The following PARP14 variants were observed in gnomAD, a reference collection of about 807,000 sequenced individuals.
PARP14 encodes protein mono-ADP-ribosyltransferase PARP14.
PARP14 carries 59 observed loss-of-function variants against 154.2 expected under a neutral mutation model. That is an observed-to-expected ratio of 0.38 (90% CI 0.31 to 0.48). PARP14 has a LOEUF of 0.48. Among genes scored for constraint, PARP14 ranks in the 20% least tolerant of loss-of-function variants. The pLI is 0.98. For synonymous variants in PARP14, 720 were observed against 780.5 expected, an observed-to-expected ratio of 0.92 and a Z score of 1.29; for missense variants, 1,734 against 2,131.6, an observed-to-expected ratio of 0.81 and a Z score of 3.67.
intron 5 of PARP14, among the ~76,000 whole-genome samples, chr3:122,696,417 G>A (rs745506397): frequency 3.3e-5 from 5 of 152,186 alleles, no homozygotes; most frequent in Admixed American, 1.3e-4. Flanking sequence ...CAAGGTACTT[G>A]AAGGAACCTC....
intron 9 of PARP14, among the ~76,000 whole-genome samples, chr3:122,712,964 T>A (rs1939371044): frequency 1.3e-5 from 2 of 152,204 alleles, no homozygotes; most frequent in South Asian, 4.1e-4. Context: ...TATTATGTTG[T>A]GAGACTAGGG....
chr3:122,728,755 A>G lies in PARP14; in HGVS notation c.*158A>G, dbSNP rs1044362489. ...TCAGTCTTTCTTCAGCTTCCCTTTCATAATGGAAATGAACTTATTATCTTG... is the reference window on the plus strand; with the variant it reads ...TCAGTCTTTCTTCAGCTTCCCTTTCGTAATGGAAATGAACTTATTATCTTG... On this transcript the variant is annotated 3_prime_UTR_variant, in exon 17 of 17. Transcript: ENST00000474629. 9.8e-6 allele frequency: 6 copies of G among 610,368 alleles called. No individual in the cohort carries two copies. The highest frequency in any genetic ancestry group is 9.2e-5 in the African/African-American group (5 of 54,362). The allele number at this position is 610,368 out of a possible 1,614,324, so 37.8% of individuals were successfully genotyped here.
Position 122,700,605 on chromosome 3 carries a change from A to G in PARP14, c.2051A>G (p.Asp684Gly). The change falls in exon 6 of 17, where the codon GAC (aspartate) becomes GGC (glycine). Residue 684 changes from aspartate (D) to glycine (G), a missense_variant. By Grantham distance (94) the Asp-to-Gly change is moderately conservative. Coordinates refer to ENST00000474629, the MANE Select transcript of PARP14 (RefSeq NM_017554.3). Reference sequence around the variant, plus strand: ...GAAGTAAAGCCTTCCTTAGTTATTGACTATTTAAAGACAGAAAAGAAGCTA... The same window carrying G: ...GAAGTAAAGCCTTCCTTAGTTATTGGCTATTTAAAGACAGAAAAGAAGCTA... Reference protein sequence around the residue: ...LVEVKPSLVIDYLKTEKKLFW... With the variant: ...LVEVKPSLVIGYLKTEKKLFW... 6.2e-7 allele frequency: 1 copy of G among 1,600,268 alleles called. No individual in the cohort carries two copies. Among genetic ancestry groups the G allele is most frequent in the Non-Finnish European group, 8.5e-7 (1 of 1,172,720 alleles).
In PARP14 at chr3:122,727,824, C is replaced by A. The variant is rs759678225; in HGVS notation, c.4954C>A (p.Gln1652Lys). Residue 1652 changes from glutamine to lysine, a missense_variant, in exon 16 of 17, where the codon CAG (glutamine) becomes AAG (lysine). This residue lies in a region of PARP14 where 1,646 missense variants were observed against 1,976.0 expected (regional missense o/e 0.83). Transcript: ENST00000474629. Reference sequence around the variant, plus strand: ...TATTAATTTGCAGATTGAGAGGATCCAGAATCCAGATCTCTGGAATAGCTA... The same window carrying A: ...TATTAATTTGCAGATTGAGAGGATCAAGAATCCAGATCTCTGGAATAGCTA... Reference protein sequence around the residue: ...HFRIEKIERIQNPDLWNSYQA... With the variant: ...HFRIEKIERIKNPDLWNSYQA... The A allele has an allele frequency of 1.2e-6, 2 of 1,603,754 alleles. No homozygotes were observed. Among genetic ancestry groups the A allele is most frequent in the Non-Finnish European group, 1.7e-6 (2 of 1,174,780 alleles).
intron 9 of PARP14, among the ~76,000 whole-genome samples, chr3:122,711,122 A>G (rs1939308748): frequency 6.6e-6 from 1 of 152,144 alleles, no homozygotes; most frequent in Non-Finnish European, 1.5e-5. Context: ...TTCCAGTACT[A>G]TGTTGAATAG....
intron 15 of PARP14, among the ~76,000 whole-genome samples, chr3:122,725,770 T>C (rs751098351): frequency 1.4e-4 from 22 of 152,224 alleles, no homozygotes; most frequent in Non-Finnish European, 2.5e-4. Flanking sequence ...GAGTACTTAA[T>C]CTTACTTACT....
intron 3 of PARP14, among the ~76,000 whole-genome samples, chr3:122,690,273 C>T (rs1938497224): frequency 6.6e-6 from 1 of 152,228 alleles, no homozygotes; most frequent in Admixed American, 6.5e-5. Flanking sequence ...GGTCACATGG[C>T]TAAAGAGTGG....
In PARP14 at chr3:122,700,034, T is replaced by C. The variant is rs1165188081; in HGVS notation, c.1480T>C (p.Cys494Arg). Residue 494 changes from cysteine (C) to arginine (R), a missense_variant, in exon 6 of 17, where the codon TGC becomes CGC. This residue lies in a region of PARP14 where 1,646 missense variants were observed against 1,976.0 expected (regional missense o/e 0.83). Transcript: ENST00000474629. Reference protein sequence around the residue: ...SSLLDHLLTECPEIEICYDRV... With the variant: ...SSLLDHLLTERPEIEICYDRV... Reference sequence around the variant, plus strand: ...TCTACTGGACCATTTACTCACGGAGTGCCCAGAGATAGAGATTTGTTACGA... The same window carrying C: ...TCTACTGGACCATTTACTCACGGAGCGCCCAGAGATAGAGATTTGTTACGA... 1 of 1,613,850 alleles carries C rather than the reference T, an allele frequency of 6.2e-7. No individual in the cohort carries two copies. The highest frequency in any genetic ancestry group is 8.5e-7 in the Non-Finnish European group (1 of 1,179,864).
chr3:122,681,052 T>C lies in PARP14; in HGVS notation c.169T>C (p.Phe57Leu), dbSNP rs1422343083. The change falls in exon 1 of 17, where the codon TTC (phenylalanine) becomes CTC (leucine). Residue 57 changes from phenylalanine (F) to leucine (L), a missense_variant. Phe to Leu is a conservative substitution (Grantham distance 22). Transcript: ENST00000474629. This position sits in a 1 kb window ranked among gnomAD's most constrained non-coding sequence, Gnocchi z 5.5. ...CAGGAGCCCATCCCGCTTCCTGGTG[T>C]TCTTCTACCCGGAGGACGGTGAGGG... ...DPRSPSRFLV[F>L]FYPEDVRQKV... 1 of 1,613,236 alleles carries C rather than the reference T, an allele frequency of 6.2e-7. No individual in the cohort carries two copies. Among genetic ancestry groups the C allele is most frequent in the Non-Finnish European group, 8.5e-7 (1 of 1,179,362 alleles).
At chr3:122,705,631 A>G (rs769318571) in intron 8 of PARP14, among the ~76,000 whole-genome samples, 4 of 152,248 alleles carry the variant, frequency 2.6e-5, no homozygotes, top group Non-Finnish European at 5.9e-5. Flanking sequence ...CAAATAAAGT[A>G]GATGACATTC....
chr3:122,726,683 T>G (rs1576605008), intron 15 of PARP14, among the ~76,000 whole-genome samples: 1 of 152,284 alleles, frequency 6.6e-6, no homozygotes, highest in East Asian at 1.9e-4. Flanking sequence ...AAAAATTACT[T>G]GACATAATTA....
chr3:122,703,005 AAAAAAC>A (rs1939028332), intron 6 of PARP14, among the ~76,000 whole-genome samples: 2 of 130,770 alleles, frequency 1.5e-5, no homozygotes, highest in African/African-American at 2.6e-5. Flanking sequence ...AAAAAAAAAA[AAAAAAC>A]AAAAAAAAAA....
At chr3:122,708,932 G>T (rs1175614925) in intron 9 of PARP14, among the ~76,000 whole-genome samples, 2 of 151,878 alleles carry the variant, frequency 1.3e-5, no homozygotes, top group African/African-American at 2.4e-5. Flanking sequence ...ATGCTATTGA[G>T]CCCATCCAGT....
chr3:122,692,448 T>C lies in PARP14; in HGVS notation c.503T>C (p.Leu168Ser). Residue 168 changes from leucine (L) to serine (S), a missense_variant, in exon 4 of 17, where the codon TTA (leucine) becomes TCA (serine). This residue lies in a region of PARP14 where 1,646 missense variants were observed against 1,976.0 expected (regional missense o/e 0.83). Coordinates refer to ENST00000474629, the MANE Select transcript of PARP14 (RefSeq NM_017554.3). Reference protein sequence around the residue: ...ANVTDIMLILLVENISGLSND... With the variant: ...ANVTDIMLILSVENISGLSND... The stretch of plus-strand genomic sequence containing the variant: ...GTGACTGACATAATGCTAATCTTGT[T>C]AGTGGAGAACATAAGTGGCCTGTCT... The C allele has an allele frequency of 6.2e-7, 1 of 1,613,626 alleles. No homozygotes were observed. Among genetic ancestry groups the C allele is most frequent in the South Asian group, 1.1e-5 (1 of 91,068 alleles).
chr3:122,703,996 AT>A lies in PARP14; in HGVS notation c.3318+20del. 1 of 1,573,262 alleles carries A rather than the reference AT, an allele frequency of 6.4e-7. No homozygotes were observed. Among genetic ancestry groups the A allele is most frequent in the Non-Finnish European group, 8.7e-7 (1 of 1,142,968 alleles). On this transcript the variant is annotated intron_variant, in intron 7 of 16. Transcript: ENST00000474629. ...CACTCAAGGTTGGGCCTGGTTTTGAATTCTCCATGAAGTTGGGTAGCCCTTT... is the reference window on the plus strand; with the variant it reads ...CACTCAAGGTTGGGCCTGGTTTTGAATCTCCATGAAGTTGGGTAGCCCTTT...
chr3:122,724,574 G>A (rs1232629872), intron 15 of PARP14, among the ~76,000 whole-genome samples: 1 of 150,100 alleles, frequency 6.7e-6, no homozygotes, highest in Non-Finnish European at 1.5e-5. Context: ...CAGAGTGCTG[G>A]GATTACAAGT....
At position 122,703,003 on chromosome 3, in the gene PARP14, A is replaced by C. The variant is rs77606386; in HGVS notation, c.3082-739A>C. ...CAAGACCCTCTCTCTTAAAAAAAAA[A>C]AAAAAAACAAAAAAAAAAAACAAAA... On this transcript the variant is annotated intron_variant, in intron 6 of 16. Coordinates refer to ENST00000474629, the MANE Select transcript of PARP14 (RefSeq NM_017554.3). 3.8e-3 allele frequency among the ~76,000 whole-genome samples: 508 copies of C among 133,002 alleles called. 7 individuals carry two copies. Among genetic ancestry groups the C allele is most frequent in the African/African-American group, 0.013 (476 of 36,894 alleles). The allele number at this position is 133,002 out of a possible 152,430, so 87.3% of individuals were successfully genotyped here. A position where few individuals can be genotyped will look rare whatever the true frequency, so the allele number is the denominator to read the frequency against.
chr3:122,694,139 G>A, intron 4 of PARP14, among the ~76,000 whole-genome samples: 1 of 152,202 alleles, frequency 6.6e-6, no homozygotes, highest in East Asian at 1.9e-4. Context: ...AATAAAGAAG[G>A]TCCAAGAGAA....
chr3:122,708,772 C>A (rs1939235905), intron 9 of PARP14, among the ~76,000 whole-genome samples: 1 of 152,064 alleles, frequency 6.6e-6, no homozygotes. Flanking sequence ...TGGTGCTAAG[C>A]CTTTTGACAG....
Sources: allele counts gnomAD v4.1 joint callset (sites outside exome capture counted in the v4.1 genomes callset), GRCh38; gene constraint gnomAD v4.1.1; regional missense constraint gnomAD v4.1.1; non-coding constraint Gnocchi (gnomAD v3.1); transcripts MANE v1.5; gene names NCBI Gene and HGNC (gene_info 2026-07-23, HGNC 2026-07-21).